MTA3: variants seen among roughly 807,000 people sequenced by gnomAD.
MTA3 encodes metastasis associated 1 family member 3, also known as metastasis-associated protein MTA3.
MTA3 carries 34 observed loss-of-function variants against 83.5 expected under a neutral mutation model. The observed-to-expected ratio is 0.41, with a 90% CI of 0.31 to 0.54. The LOEUF (loss-of-function observed/expected upper bound fraction) is 0.54. Ranked by LOEUF, MTA3 falls within the 20% of genes least tolerant of loss-of-function variation. The probability of loss-of-function intolerance (pLI) is 0.33; values close to 1 mark genes in which losing one functional copy is unlikely to be tolerated. For missense variants in MTA3, 761 were observed against 726.4 expected (o/e 1.05, Z -0.55); for synonymous variants, 303 against 252.7 (o/e 1.20, Z -1.89).
intron 3 of MTA3, among the ~76,000 whole-genome samples, chr2:42,584,883 G>A (rs1403314931): frequency 2.6e-5 from 4 of 151,420 alleles, no homozygotes; most frequent in Non-Finnish European, 2.9e-5. Flanking sequence ...CCTTTCTCTT[G>A]GGGGAAAAAA....
chr2:42,571,781 C>G (rs891663708), intron 2 of MTA3, among the ~76,000 whole-genome samples: 2 of 151,474 alleles, frequency 1.3e-5, no homozygotes, highest in African/African-American at 4.9e-5. Flanking sequence ...AACCCCATCT[C>G]TACTAAAAAT....
At chr2:42,613,064 A>G (rs1310855732) in intron 4 of MTA3, among the ~76,000 whole-genome samples, 1 of 152,178 alleles carries the variant, frequency 6.6e-6, no homozygotes, top group Non-Finnish European at 1.5e-5. Flanking sequence ...TGGAAAAACT[A>G]GTGATGTGTT....
intron 14 of MTA3, among the ~76,000 whole-genome samples, chr2:42,711,783 AGTGTGTGTGTGTGT>A (rs763894802): frequency 1.4e-5 from 2 of 147,630 alleles, no homozygotes; most frequent in South Asian, 2.1e-4. Flanking sequence ...AGAGAGAGAG[AGTGTGTGTGTGTGT>A]GTGTGTGTGT....
In MTA3 at chr2:42,656,155, A is replaced by G. The variant is rs554305037; in HGVS notation, c.500-45A>G. 2.6e-5 allele frequency: 36 copies of G among 1,390,160 alleles called. No individual in the cohort carries two copies. The South Asian group carries it at 3.7e-4, about 14-fold the overall frequency. The allele number at this position is 1,390,160 out of a possible 1,614,324, so 86.1% of individuals were successfully genotyped here. On this transcript the variant is annotated intron_variant, in intron 6 of 16. Coordinates refer to ENST00000405094, the MANE Select transcript of MTA3 (RefSeq NM_001330442.2). ...GTTGTCATCAGTGGTATGAGACAGT[A>G]TGCCTTGTCAGTAACAAGACTCCAT...
intron 2 of MTA3, among the ~76,000 whole-genome samples, chr2:42,520,756 G>C (rs1327348597): frequency 1.3e-5 from 2 of 151,940 alleles, no homozygotes; most frequent in Non-Finnish European, 2.9e-5. Context: ...TGTAGAGACA[G>C]GGTCTCCCTA....
At chr2:42,661,528 A>G (rs921679255) in intron 8 of MTA3, among the ~76,000 whole-genome samples, 5 of 24,914 alleles carry the variant, frequency 2.0e-4, no homozygotes, top group African/African-American at 8.2e-4. Flanking sequence ...AAAAAAAAAA[A>G]GAAAAAGATA....
chr2:42,695,956 C>A (rs904117143), intron 10 of MTA3, 117 bp downstream of exon 10: 1 of 598,934 alleles, frequency 1.7e-6, no homozygotes, highest in East Asian at 2.9e-5. Flanking sequence ...TTTTTCCAGA[C>A]TACTTTAAAC....
At position 42,674,540 on chromosome 2, in the gene MTA3, G is replaced by GT. The variant is rs532447598; in HGVS notation, c.703-7860dup. 5.9e-5 allele frequency among the ~76,000 whole-genome samples: 9 copies of GT among 151,538 alleles called. No individual in the cohort carries two copies. In the South Asian group the frequency reaches 8.3e-4, roughly 14 times the overall value. The stretch of plus-strand genomic sequence containing the variant: ...TATTGGTATCTCTATTGAAAACATG[G>GT]TATCTTTGCAAAGTATTTAATCTGG... On this transcript the variant is annotated intron_variant, in intron 8 of 16. Transcript: ENST00000405094.
At chr2:42,716,775 T>G (rs539634667) in intron 14 of MTA3, among the ~76,000 whole-genome samples, 1 of 152,330 alleles carries the variant, frequency 6.6e-6, no homozygotes. Context: ...CTATTGTGAA[T>G]AGTGTTGCAA....
intron 1 of MTA3, 62 bp from the exon 2 acceptor site, chr2:42,570,375 T>C: frequency 9.4e-7 from 1 of 1,068,090 alleles, no homozygotes; most frequent in Non-Finnish European, 1.4e-6. Context: ...TAAAAAGTCT[T>C]GGATTGACAA....
chr2:42,551,057 A>G (rs977264931), intron 2 of MTA3, among the ~76,000 whole-genome samples: 34 of 151,028 alleles, frequency 2.3e-4, no homozygotes, highest in African/African-American at 8.0e-4. Flanking sequence ...CTAAATAAAT[A>G]AATAAATAAA....
chr2:42,709,308 T>A, intron 14 of MTA3: 1 of 1,393,682 alleles, frequency 7.2e-7, no homozygotes, highest in Non-Finnish European at 9.3e-7. Flanking sequence ...TTGAAACTTC[T>A]GTACTCTTTA....
At chr2:42,630,672 T>G (rs995196615) in intron 4 of MTA3, among the ~76,000 whole-genome samples, 2 of 152,216 alleles carry the variant, frequency 1.3e-5, no homozygotes, top group African/African-American at 4.8e-5. Flanking sequence ...GTTTTTTTAG[T>G]CTTTTGCTGT....
intron 8 of MTA3, among the ~76,000 whole-genome samples, chr2:42,660,770 TATC>T (rs571478646): frequency 1.2e-3 from 177 of 152,378 alleles, no homozygotes; most frequent in African/African-American, 4.0e-3. Context: ...TTAACTTTCT[TATC>T]ATAATGCCAA....
intron 8 of MTA3, among the ~76,000 whole-genome samples, chr2:42,666,730 T>C (rs1241619647): frequency 3.3e-5 from 5 of 152,192 alleles, no homozygotes; most frequent in African/African-American, 9.7e-5. Context: ...GCTTGTTATA[T>C]CCCTTAGTGT....
At chr2:42,562,371 C>G (rs1677710219) in intron 2 of MTA3, among the ~76,000 whole-genome samples, 1 of 152,144 alleles carries the variant, frequency 6.6e-6, no homozygotes, top group African/African-American at 2.4e-5. Flanking sequence ...TTTGCTTTTT[C>G]AGGCTGTGTC....
chr2:42,663,162 T>C (rs1435911138), intron 8 of MTA3, among the ~76,000 whole-genome samples: 4 of 152,254 alleles, frequency 2.6e-5, no homozygotes, highest in African/African-American at 9.6e-5. Flanking sequence ...GAGATACTGC[T>C]TCTCAGATTA....
At chr2:42,700,863 A>G (rs2104484454) in intron 11 of MTA3, among the ~76,000 whole-genome samples, 2 of 152,310 alleles carry the variant, frequency 1.3e-5, no homozygotes, top group South Asian at 2.1e-4. Flanking sequence ...CAACTTGGGA[A>G]GCTGAGGCAG....
intron 8 of MTA3, among the ~76,000 whole-genome samples, chr2:42,662,025 A>G (rs953657656): frequency 1.3e-5 from 2 of 152,148 alleles, no homozygotes; most frequent in Non-Finnish European, 2.9e-5. Flanking sequence ...AACAACATAA[A>G]TATTCTTTTG....
Sources: allele counts gnomAD v4.1 joint callset (sites outside exome capture counted in the v4.1 genomes callset), GRCh38; gene constraint gnomAD v4.1.1; transcripts MANE v1.5; gene names NCBI Gene and HGNC (gene_info 2026-07-23, HGNC 2026-07-21).